The following SIPA1L1 variants were observed in gnomAD, a reference collection of about 807,000 sequenced individuals.
The protein encoded by SIPA1L1 is signal induced proliferation associated 1 like 1, also known as signal-induced proliferation-associated 1-like protein 1.
SIPA1L1 carries 26 observed loss-of-function variants against 162.7 expected under a neutral mutation model. The ratio of observed to expected loss-of-function variants is 0.16; its 90% confidence interval spans 0.12 to 0.22. The LOEUF (loss-of-function observed/expected upper bound fraction) is 0.22, where lower values mean the gene tolerates loss of function less well. Ranked by LOEUF, SIPA1L1 falls within the 10% of genes least tolerant of loss-of-function variation. SIPA1L1 has a pLI of 1.00. For synonymous variants in SIPA1L1, 829 were observed against 837.4 expected (o/e 0.99, Z 0.17); for missense variants, 1,874 against 2,241.0 (o/e 0.84, Z 3.31).
intron 2 of SIPA1L1, among the ~76,000 whole-genome samples, chr14:71,345,538 C>T (rs2036067851): frequency 6.6e-6 from 1 of 150,534 alleles, no homozygotes; most frequent in African/African-American, 2.4e-5. Flanking sequence ...AAGGCCAGGA[C>T]TATGTCTTTG....
At chr14:71,536,413 T>C (rs996222222) in intron 4 of SIPA1L1, among the ~76,000 whole-genome samples, 11 of 152,240 alleles carry the variant, frequency 7.2e-5, no homozygotes, top group Non-Finnish European at 1.3e-4. Context: ...GTTTGTTGTC[T>C]TGAAGCCATT....
chr14:71,387,655 C>T (rs974125283), intron 2 of SIPA1L1, among the ~76,000 whole-genome samples: 2 of 152,116 alleles, frequency 1.3e-5, no homozygotes, highest in Non-Finnish European at 1.5e-5. Context: ...ATGTTTCAAA[C>T]GATTCTTCTA....
At chr14:71,569,699 A>G (rs903813328) in intron 4 of SIPA1L1, among the ~76,000 whole-genome samples, 1 of 152,238 alleles carries the variant, frequency 6.6e-6, no homozygotes, top group African/African-American at 2.4e-5. Flanking sequence ...TAGGAAAAAC[A>G]AGGGAGGCCA....
intron 2 of SIPA1L1, among the ~76,000 whole-genome samples, chr14:71,387,278 A>G (rs1340587039): frequency 1.3e-4 from 19 of 143,302 alleles, no homozygotes; most frequent in Non-Finnish European, 2.6e-4. Context: ...AAAAAAAAAG[A>G]AAGACTGAGT....
At chr14:71,727,886 C>T (rs898000062) in intron 19 of SIPA1L1, among the ~76,000 whole-genome samples, 2 of 152,212 alleles carry the variant, frequency 1.3e-5, no homozygotes, top group African/African-American at 4.8e-5. Context: ...AGCAGAACGC[C>T]TTCGGGGTAG....
chr14:71,644,889 AT>A (rs1170859866), intron 7 of SIPA1L1, among the ~76,000 whole-genome samples: 1 of 152,218 alleles, frequency 6.6e-6, no homozygotes, highest in African/African-American at 2.4e-5. Flanking sequence ...GTTCTTTCAT[AT>A]GAAAATAGTG....
intron 7 of SIPA1L1, among the ~76,000 whole-genome samples, chr14:71,630,451 G>T (rs1052056208): frequency 6.6e-6 from 1 of 152,218 alleles, no homozygotes; most frequent in Non-Finnish European, 1.5e-5. Context: ...TAGGACTGCA[G>T]TTTGCAGTGA....
In SIPA1L1 at chr14:71,446,894, G is replaced by GTTTTTTTTTTTTT. The variant is rs765106790; in HGVS notation, c.-464-65838_-464-65837insTTTTTTTTTTTTT. On this transcript the variant is annotated intron_variant, in intron 2 of 23. Transcript: ENST00000381232. ...CTGCAAATAAAGAGAGATGGGCTCT[G>GTTTTTTTTTTTTT]TTTTTTTTTTTGTTTTTTTTTTTTT... Among the ~76,000 whole-genome samples the GTTTTTTTTTTTTT allele has an allele frequency of 6.9e-4, 60 of 87,400 alleles. 10 individuals carry two copies. Among genetic ancestry groups the GTTTTTTTTTTTTT allele is most frequent in the African/African-American group, 1.3e-3 (30 of 22,996 alleles). The allele number at this position is 87,400 out of a possible 152,430, so 57.3% of individuals were successfully genotyped here. A position where few individuals can be genotyped will look rare whatever the true frequency, so the allele number is the denominator to read the frequency against.
chr14:71,383,292 A>G (rs1011291700), intron 2 of SIPA1L1, among the ~76,000 whole-genome samples: 4 of 152,184 alleles, frequency 2.6e-5, no homozygotes, highest in African/African-American at 7.2e-5. Flanking sequence ...CTGGTCCTGG[A>G]GAGTTCACTC....
chr14:71,725,554 G>A lies in SIPA1L1; in HGVS notation c.4614+719G>A, dbSNP rs1597244546. Among the ~76,000 whole-genome samples, 3 of 152,174 alleles carry A rather than the reference G, an allele frequency of 2.0e-5. No homozygotes were observed. In the East Asian group the frequency reaches 5.8e-4, roughly 29 times the overall value. On this transcript the variant is annotated intron_variant, in intron 19 of 23. Transcript: ENST00000381232. ...AGTGTGTACGTTTTTGTGTTGTCCA[G>A]ACCTTTATGTGACCACATGGAAAGG...
rs2047706888 is a variant in SIPA1L1, at chr14:71,474,581, G to C, written c.-464-38162G>C. Reference sequence around the variant, plus strand: ...AATCTTGTGCCAAAATTATAGAATGGGAATTATTTAGTTGTGAGGGATTTG... The same window carrying C: ...AATCTTGTGCCAAAATTATAGAATGCGAATTATTTAGTTGTGAGGGATTTG... On this transcript the variant is annotated intron_variant, in intron 2 of 23. Coordinates refer to ENST00000381232, the MANE Select transcript of SIPA1L1 (RefSeq NM_001386936.1). 2.0e-5 allele frequency among the ~76,000 whole-genome samples: 3 copies of C among 152,126 alleles called. No individual in the cohort carries two copies. In the South Asian group the frequency reaches 6.2e-4, roughly 31 times the overall value.
At chr14:71,730,409 A>C (rs1385161107) in intron 20 of SIPA1L1, 108 bp downstream of exon 20, 21 of 1,284,792 alleles carry the variant, frequency 1.6e-5, no homozygotes, top group Non-Finnish European at 2.2e-5. Context: ...ATCCATGCTC[A>C]GATGGTCTCA....
intron 2 of SIPA1L1, among the ~76,000 whole-genome samples, chr14:71,398,898 T>G (rs1233942144): frequency 6.6e-6 from 1 of 152,242 alleles, no homozygotes; most frequent in Non-Finnish European, 1.5e-5. Context: ...GCTCCACAGC[T>G]TTTTGCTCAG....
At chr14:71,564,689 C>T (rs981071728) in intron 4 of SIPA1L1, among the ~76,000 whole-genome samples, 1 of 151,822 alleles carries the variant, frequency 6.6e-6, no homozygotes, top group Non-Finnish European at 1.5e-5. Flanking sequence ...CGGGATTTTA[C>T]CATGTTAGCC....
intron 7 of SIPA1L1, among the ~76,000 whole-genome samples, chr14:71,643,710 T>C (rs1237221990): frequency 1.3e-5 from 2 of 152,228 alleles, no homozygotes; most frequent in African/African-American, 4.8e-5. Flanking sequence ...AGAGTTTATG[T>C]ACTTGGAGAA....
chr14:71,478,637 TTTA>T (rs2048074320), intron 2 of SIPA1L1, among the ~76,000 whole-genome samples: 1 of 152,242 alleles, frequency 6.6e-6, no homozygotes, highest in African/African-American at 2.4e-5. Context: ...CCATTGTACC[TTTA>T]CCAAGAATCA....
chr14:71,579,585 T>C (rs1322887310), intron 4 of SIPA1L1, among the ~76,000 whole-genome samples: 1 of 152,236 alleles, frequency 6.6e-6, no homozygotes, highest in Non-Finnish European at 1.5e-5. Flanking sequence ...AGGAACCATA[T>C]GCAGTCTGTA....
At chr14:71,554,176 AT>A (rs533485109) in intron 4 of SIPA1L1, among the ~76,000 whole-genome samples, 1 of 151,502 alleles carries the variant, frequency 6.6e-6, no homozygotes, top group East Asian at 1.9e-4. Flanking sequence ...AAGATACAGT[AT>A]TTTTTTTTCT....
intron 4 of SIPA1L1, among the ~76,000 whole-genome samples, chr14:71,572,111 C>T (rs1250996708): frequency 6.6e-6 from 1 of 152,102 alleles, no homozygotes; most frequent in Non-Finnish European, 1.5e-5. Context: ...GCTCAGGTCT[C>T]TCTTCCTCTT....
Sources: allele counts gnomAD v4.1 joint callset (sites outside exome capture counted in the v4.1 genomes callset), GRCh38; gene constraint gnomAD v4.1.1; transcripts MANE v1.5; gene names NCBI Gene and HGNC (gene_info 2026-07-23, HGNC 2026-07-21).